Variants in SLC35E3 observed in about 807,000 individuals in gnomAD.
SLC35E3 encodes bladder cancer-overexpressed gene 1 protein.
Under a neutral mutation model 30.8 loss-of-function variants are expected in SLC35E3, and 28 were observed. The observed-to-expected ratio is 0.91, with a 90% CI of 0.67 to 1.25. SLC35E3 has a LOEUF of 1.25. Among genes scored for constraint, SLC35E3 ranks in the 50% most tolerant of loss-of-function variants. The pLI is 0.00. For synonymous variants in SLC35E3, 146 were observed against 149.2 expected (o/e 0.98, Z 0.16); for missense variants, 365 against 375.4 (o/e 0.97, Z 0.23).
rs1879456221 is a variant in SLC35E3, at chr12:68,767,260, T to C, written c.*2370T>C. The C allele has an allele frequency of 6.6e-6, 1 of 152,200 alleles. No individual in the cohort carries two copies. The highest frequency in any genetic ancestry group is 1.5e-5 in the Non-Finnish European group (1 of 68,034). The allele number at this position is 152,200 out of a possible 1,614,324, so 9.4% of individuals were successfully genotyped here. A position where few individuals can be genotyped will look rare whatever the true frequency, so the allele number is the denominator to read the frequency against. ...GACATATCATTACTCTTGTAATAATTCATTTTCTAAATGTTATTTATCAAC... is the reference window on the plus strand; with the variant it reads ...GACATATCATTACTCTTGTAATAATCCATTTTCTAAATGTTATTTATCAAC... On this transcript the variant is annotated 3_prime_UTR_variant, in exon 5 of 5. Coordinates refer to ENST00000398004, the MANE Select transcript of SLC35E3 (RefSeq NM_018656.5).
chr12:68,754,061 G>T (rs1878912655), intron 3 of SLC35E3, among the ~76,000 whole-genome samples: 1 of 151,978 alleles, frequency 6.6e-6, no homozygotes, highest in Non-Finnish European at 1.5e-5. Flanking sequence ...TGGCCAGGAT[G>T]GTCTCAATCT....
chr12:68,765,826 A>G lies in SLC35E3; in HGVS notation c.*936A>G, dbSNP rs949611396. ...AAATTAAAGTTCTGTGATAATGACA[A>G]AGGAATTGCTGTTACTGTACTGCAA... is the stretch of plus-strand genomic sequence containing the variant. On this transcript the variant is annotated 3_prime_UTR_variant, in exon 5 of 5. Coordinates refer to ENST00000398004, the MANE Select transcript of SLC35E3 (RefSeq NM_018656.5). 1 of 151,374 alleles carries G rather than the reference A, an allele frequency of 6.6e-6. No homozygotes were observed. Among genetic ancestry groups the G allele is most frequent in the African/African-American group, 2.4e-5 (1 of 41,174 alleles). The allele number at this position is 151,374 out of a possible 1,614,324, so 9.4% of individuals were successfully genotyped here. A position where few individuals can be genotyped will look rare whatever the true frequency, so the allele number is the denominator to read the frequency against.
rs577433952 is a variant in SLC35E3, at chr12:68,775,637, A to T, written c.*10747A>T. Reference sequence around the variant, plus strand: ...AGTTTTGGAGGAGACAAATATTCAAACTACAGCACTGGTTAAAAATAAAAA... The same window carrying T: ...AGTTTTGGAGGAGACAAATATTCAATCTACAGCACTGGTTAAAAATAAAAA... On this transcript the variant is annotated 3_prime_UTR_variant, in exon 5 of 5. Transcript: ENST00000398004. 1 of 152,286 alleles carries T rather than the reference A, an allele frequency of 6.6e-6. No homozygotes were observed. The highest frequency in any genetic ancestry group is 2.1e-4 in the South Asian group (1 of 4,824). The allele number at this position is 152,286 out of a possible 1,614,324, so 9.4% of individuals were successfully genotyped here.
chr12:68,759,310 A>G, intron 4 of SLC35E3, 71 bp downstream of exon 4: 1 of 1,088,490 alleles, frequency 9.2e-7, no homozygotes, highest in Non-Finnish European at 1.4e-6. Context: ...TCATTACCTT[A>G]TTTGAATCTC....
intron 3 of SLC35E3, among the ~76,000 whole-genome samples, chr12:68,758,375 G>A (rs929689708): frequency 3.3e-5 from 5 of 151,868 alleles, no homozygotes; most frequent in East Asian, 1.9e-4. Context: ...AGCCCAGATC[G>A]TGCCACTGCA....
At chr12:68,759,577 G>A (rs1234510399) in intron 4 of SLC35E3, among the ~76,000 whole-genome samples, 2 of 151,956 alleles carry the variant, frequency 1.3e-5, no homozygotes, top group African/African-American at 4.8e-5. Context: ...GGTGGTGCAC[G>A]CCTGTAATCC....
chr12:68,748,469 A>G (rs1460670111), intron 2 of SLC35E3, among the ~76,000 whole-genome samples: 5 of 152,112 alleles, frequency 3.3e-5, no homozygotes, highest in Non-Finnish European at 1.5e-5. Context: ...CAAAAATTAT[A>G]CTGCTGTTAC....
Position 68,764,944 on chromosome 12 carries a change from A to C in SLC35E3, c.*54A>C, listed in dbSNP as rs1879340016. 3.9e-6 allele frequency: 6 copies of C among 1,558,204 alleles called. No homozygotes were observed. The highest frequency in any genetic ancestry group is 3.5e-5 in the South Asian group (3 of 84,694). ...TCCCAAGAAGATAAAAAATATTGTT[A>C]AGTGTGCAAGTTATTAAAAAAAAAA... On this transcript the variant is annotated 3_prime_UTR_variant, in exon 5 of 5. Coordinates refer to ENST00000398004, the MANE Select transcript of SLC35E3 (RefSeq NM_018656.5).
Position 68,746,242 on chromosome 12 carries a change from G to C in SLC35E3, c.-136G>C, listed in dbSNP as rs539817612. On this transcript the variant is annotated 5_prime_UTR_variant, in exon 1 of 5. Coordinates refer to ENST00000398004, the MANE Select transcript of SLC35E3 (RefSeq NM_018656.5). ...CTGTTAAGAGTGCTACTCGCCCGGG[G>C]TTGATCTGTGCATGCCACTCCTGGG... is the stretch of plus-strand genomic sequence containing the variant. 2 of 791,636 alleles carry C rather than the reference G, an allele frequency of 2.5e-6. No homozygotes were observed. The highest frequency in any genetic ancestry group is 3.9e-6 in the Non-Finnish European group (2 of 509,952). 49.0% of individuals were successfully genotyped at this position (791,636 alleles called of 1,614,324 possible).
In SLC35E3 at chr12:68,780,174, T is replaced by G. The variant is rs1324014748; in HGVS notation, c.*15284T>G. The G allele has an allele frequency of 6.6e-6, 1 of 152,144 alleles. No homozygotes were observed. Among genetic ancestry groups the G allele is most frequent in the East Asian group, 1.9e-4 (1 of 5,198 alleles). 9.4% of individuals were successfully genotyped at this position (152,144 alleles called of 1,614,324 possible). A position where few individuals can be genotyped will look rare whatever the true frequency, so the allele number is the denominator to read the frequency against. ...TCTAAAATCACACTTTTTAATTTAT[T>G]TTGTATTTTTTTGAGACAGGGTCTT... On this transcript the variant is annotated 3_prime_UTR_variant, in exon 5 of 5. Transcript: ENST00000398004.
At chr12:68,751,182 A>G (rs1878777208) in intron 2 of SLC35E3, among the ~76,000 whole-genome samples, 1 of 151,940 alleles carries the variant, frequency 6.6e-6, no homozygotes, top group South Asian at 2.1e-4. Context: ...TCTACCATTG[A>G]TTGGGTTTTC....
rs1463018939 is a variant in SLC35E3 at position 68,747,991 on chromosome 12, G to A, written c.464G>A (p.Gly155Glu). Residue 155 changes from glycine (G) to glutamate (E), a missense_variant, in exon 2 of 5, where the codon GGA (glycine) becomes GAA (glutamate). Gly to Glu is a moderately conservative substitution (Grantham distance 98). Transcript: ENST00000398004. ...TACGATGTGAAGTTTAATTTCCTTG[G>A]AATGGTGTTTGCTGCTCTTGGTGTT... ...SYYDVKFNFL[G>E]MVFAALGVLV... 2 of 1,612,320 alleles carry A rather than the reference G, an allele frequency of 1.2e-6. No homozygotes were observed. Among genetic ancestry groups the A allele is most frequent in the Non-Finnish European group, 1.7e-6 (2 of 1,178,756 alleles).
Position 68,775,398 on chromosome 12 carries a change from A to G in SLC35E3, c.*10508A>G, listed in dbSNP as rs1056408164. 6.6e-6 allele frequency: 1 copy of G among 152,240 alleles called. No individual in the cohort carries two copies. The highest frequency in any genetic ancestry group is 1.5e-5 in the Non-Finnish European group (1 of 68,068). The allele number at this position is 152,240 out of a possible 1,614,324, so 9.4% of individuals were successfully genotyped here. A position where few individuals can be genotyped will look rare whatever the true frequency, so the allele number is the denominator to read the frequency against. On this transcript the variant is annotated 3_prime_UTR_variant, in exon 5 of 5. Transcript: ENST00000398004. Reference sequence around the variant, plus strand: ...CTGAGAAGTCCAAGGTACAGGGTCCACATCTGGTGAGAGACTTCTTGTTCC... The same window carrying G: ...CTGAGAAGTCCAAGGTACAGGGTCCGCATCTGGTGAGAGACTTCTTGTTCC...
chr12:68,753,337 C>T (rs1353738600), intron 3 of SLC35E3, among the ~76,000 whole-genome samples: 1 of 151,764 alleles, frequency 6.6e-6, no homozygotes, highest in East Asian at 1.9e-4. Flanking sequence ...CCTGCAGTCC[C>T]AGCTACTTGG....
intron 4 of SLC35E3, among the ~76,000 whole-genome samples, chr12:68,759,697 C>CT (rs1879174714): frequency 6.7e-6 from 1 of 149,058 alleles, no homozygotes; most frequent in Non-Finnish European, 1.5e-5. Context: ...GAGCAAGACT[C>CT]TGTCTTAAAA....
At chr12:68,763,365 TTGTG>T (rs754969282) in intron 4 of SLC35E3, among the ~76,000 whole-genome samples, 2 of 150,830 alleles carry the variant, frequency 1.3e-5, no homozygotes, top group East Asian at 1.9e-4. Context: ...ATATAAGTAA[TTGTG>T]TGTGTGTGTG....
chr12:68,751,782 TCTC>T (rs1265426761), intron 2 of SLC35E3, among the ~76,000 whole-genome samples: 3 of 152,206 alleles, frequency 2.0e-5, no homozygotes, highest in East Asian at 3.8e-4. Flanking sequence ...AGAGGACTTT[TCTC>T]CTCCTTCTAA....
Position 68,769,726 on chromosome 12 carries a change from C to G in SLC35E3, c.*4836C>G, listed in dbSNP as rs1407813874. 1 of 152,092 alleles carries G rather than the reference C, an allele frequency of 6.6e-6. No individual in the cohort carries two copies. The highest frequency in any genetic ancestry group is 1.5e-5 in the Non-Finnish European group (1 of 68,012). The allele number at this position is 152,092 out of a possible 1,614,324, so 9.4% of individuals were successfully genotyped here. A position where few individuals can be genotyped will look rare whatever the true frequency, so the allele number is the denominator to read the frequency against. On this transcript the variant is annotated 3_prime_UTR_variant, in exon 5 of 5. Coordinates refer to ENST00000398004, the MANE Select transcript of SLC35E3 (RefSeq NM_018656.5). ...GTGGTCCGTTTTGTCTTTCTGTTCC[C>G]AAACTTAAACTGGATTATACCTGCT...
chr12:68,761,464 A>C (rs1257709714), intron 4 of SLC35E3, among the ~76,000 whole-genome samples: 2 of 152,214 alleles, frequency 1.3e-5, no homozygotes, highest in Non-Finnish European at 1.5e-5. Flanking sequence ...AGGATTTCTC[A>C]ACCTCTGGGC....
Sources: gnomAD v4.1 joint callset for allele counts (sites outside exome capture counted in the v4.1 genomes callset) on GRCh38, gnomAD v4.1.1 for gene constraint, MANE v1.5 for transcripts, NCBI Gene and HGNC (gene_info 2026-07-23, HGNC 2026-07-21) for gene names.